Variants in ATL3 observed in about 807,000 individuals in gnomAD.
ATL3 encodes the protein atlastin-3.
A neutral mutation model predicts 69.5 loss-of-function variants in ATL3; 49 were observed. The observed-to-expected ratio is 0.71, with a 90% confidence interval of 0.56 to 0.89. The LOEUF is 0.89. Ranked by LOEUF, ATL3 falls within the 40% of genes least tolerant of loss-of-function variation. ATL3 has a pLI of 0.00. For missense variants in ATL3, 606 were observed against 645.7 expected (o/e 0.94, Z 0.67); for synonymous variants, 214 against 224.1 (o/e 0.95, Z 0.40).
At position 63,644,226 on chromosome 11, in the gene ATL3, A is replaced by G. The variant is rs1300565903; in HGVS notation, c.654T>C (p.Pro218=). Reference sequence around the variant, plus strand: ...CTTGGAGTCCATAGCTATATTCATAAGGGAAACTCCAATCTCTAACCAAAA... The same window carrying G: ...CTTGGAGTCCATAGCTATATTCATAGGGGAAACTCCAATCTCTAACCAAAA... The part of the protein sequence containing the change: ...LMFLVRDWSF[P]YEYSYGLQGG... Residue 218 remains proline, a synonymous_variant, in exon 7 of 13, where the codon CCT becomes CCC. Transcript: ENST00000398868. The G allele has an allele frequency of 6.2e-7, 1 of 1,611,434 alleles. No individual in the cohort carries two copies. The highest frequency in any genetic ancestry group is 1.7e-5 in the Admixed American group (1 of 59,570).
chr11:63,641,076 C>T (rs1939685288), intron 8 of ATL3, among the ~76,000 whole-genome samples: 1 of 152,088 alleles, frequency 6.6e-6, no homozygotes, highest in Non-Finnish European at 1.5e-5. Flanking sequence ...TGTGATGCTG[C>T]ACATATTTTC....
At chr11:63,643,885 T>C (rs1400801800) in intron 7 of ATL3, among the ~76,000 whole-genome samples, 4 of 152,166 alleles carry the variant, frequency 2.6e-5, no homozygotes, top group Non-Finnish European at 4.4e-5. Flanking sequence ...AAATTCTGAG[T>C]ATGATTTCTA....
intron 8 of ATL3, 87 bp from the exon 9 acceptor site, chr11:63,636,421 A>G: frequency 6.5e-7 from 1 of 1,549,372 alleles, no homozygotes; most frequent in South Asian, 1.2e-5. Flanking sequence ...TTCCCAGTCT[A>G]GTGCTTTTAA....
At chr11:63,647,050 A>G (rs1448982598) in intron 5 of ATL3, among the ~76,000 whole-genome samples, 2 of 152,136 alleles carry the variant, frequency 1.3e-5, no homozygotes, top group East Asian at 1.9e-4. Flanking sequence ...CCCACTAACT[A>G]TAAGTTCTTC....
upstream of ATL3, chr11:63,671,697 C>T (rs1327420848): frequency 1.5e-6 from 2 of 1,308,906 alleles, no homozygotes; most frequent in South Asian, 2.6e-5. Context: ...CTCACTGGGT[C>T]CCGGCCAGCG....
chr11:63,666,595 T>C, intron 1 of ATL3, among the ~76,000 whole-genome samples: 1 of 144,594 alleles, frequency 6.9e-6, no homozygotes, highest in African/African-American at 2.5e-5. Context: ...ATGCATGTAA[T>C]CCCAGCACTT....
chr11:63,630,099 T>C (rs1187277535), intron 12 of ATL3, among the ~76,000 whole-genome samples: 2 of 151,992 alleles, frequency 1.3e-5, no homozygotes, highest in African/African-American at 4.8e-5. Context: ...ACATAAAAAT[T>C]ATGTCTGAAG....
chr11:63,657,335 GA>G, intron 3 of ATL3, among the ~76,000 whole-genome samples: 1 of 151,918 alleles, frequency 6.6e-6, no homozygotes, highest in East Asian at 1.9e-4. Flanking sequence ...TCCTTACAAA[GA>G]AATCTGTGGA....
chr11:63,636,380 T>G (rs1356306633), intron 8 of ATL3, 46 bp from the exon 9 acceptor site: 21 of 1,612,090 alleles, frequency 1.3e-5, no homozygotes, highest in African/African-American at 1.3e-5. Flanking sequence ...CAAACAGCCT[T>G]ATTCAACCAA....
chr11:63,631,124 G>A lies in ATL3; in HGVS notation c.1455C>T (p.Leu485=), dbSNP rs1275252687. 1 of 1,614,186 alleles carries A rather than the reference G, an allele frequency of 6.2e-7. No homozygotes were observed. The highest frequency in any genetic ancestry group is 8.5e-7 in the Non-Finnish European group (1 of 1,180,034). ...CMVGLLLIAL[L]TWGYIRYSGQ... ...CAGAATACCTGATGTAGCCCCAGGT[G>A]AGGAGTGCTATTAACAGTAGTCCAA... The change falls in exon 12 of 13, where the codon CTC becomes CTT. Residue 485 remains leucine, a synonymous_variant. Transcript: ENST00000398868.
At chr11:63,630,983 A>C (rs940994445) in intron 12 of ATL3, 57 bp downstream of exon 12, 45 of 1,502,612 alleles carry the variant, frequency 3.0e-5, no homozygotes, top group Non-Finnish European at 3.8e-5. Flanking sequence ...ATTTTACAAC[A>C]GAAGCACAAA....
At chr11:63,659,722 G>A (rs947606608) in intron 1 of ATL3, among the ~76,000 whole-genome samples, 2 of 152,196 alleles carry the variant, frequency 1.3e-5, no homozygotes, top group South Asian at 2.1e-4. Flanking sequence ...ATCACTTGAG[G>A]TCAGGAGTTC....
intron 10 of ATL3, among the ~76,000 whole-genome samples, chr11:63,634,533 C>T (rs573713467): frequency 1.4e-4 from 21 of 151,890 alleles, no homozygotes; most frequent in Admixed American, 5.2e-4. Context: ...AAATTATTTG[C>T]AATGTCAATC....
At chr11:63,664,586 A>G (rs1199964512) in intron 1 of ATL3, among the ~76,000 whole-genome samples, 1 of 151,834 alleles carries the variant, frequency 6.6e-6, no homozygotes, top group African/African-American at 2.4e-5. Flanking sequence ...AGCAATATCA[A>G]TGTAATGACA....
intron 1 of ATL3, among the ~76,000 whole-genome samples, chr11:63,661,105 C>T (rs1197670225): frequency 1.3e-5 from 2 of 151,424 alleles, no homozygotes; most frequent in African/African-American, 2.4e-5. Flanking sequence ...CGCCTGTGGT[C>T]CCAGCTACTG....
intron 8 of ATL3, among the ~76,000 whole-genome samples, chr11:63,638,001 T>C (rs1263239808): frequency 2.0e-5 from 3 of 152,230 alleles, no homozygotes; most frequent in Non-Finnish European, 4.4e-5. Context: ...AACATGTGAA[T>C]GTATTACATA....
intron 3 of ATL3, among the ~76,000 whole-genome samples, chr11:63,654,761 A>T (rs1940189915): frequency 6.9e-6 from 1 of 143,988 alleles, no homozygotes; most frequent in Admixed American, 7.1e-5. Context: ...CAATGGCGCA[A>T]CCTCGGCTCA....
In ATL3 at chr11:63,659,256, T is replaced by A. The variant is rs371691729; in HGVS notation, c.47-4A>T. On this transcript the variant is annotated splice_region_variant and splice_polypyrimidine_tract_variant and intron_variant, in intron 1 of 12. Coordinates refer to ENST00000398868, the MANE Select transcript of ATL3 (RefSeq NM_015459.5). ...TTGCTGCTCTCCATGGCATCATCTA[T>A]GTTCATGCAGAGAAAAAAAATCAGT... 1.0e-4 allele frequency: 166 copies of A among 1,613,068 alleles called. No individual in the cohort carries two copies. Among genetic ancestry groups the A allele is most frequent in the African/African-American group, 3.7e-4 (28 of 74,898 alleles).
intron 11 of ATL3, 135 bp downstream of exon 11, chr11:63,632,891 T>C: frequency 1.2e-6 from 1 of 836,732 alleles, no homozygotes; most frequent in East Asian, 2.5e-5. Context: ...AGGCCCCCGT[T>C]ACCAGGACAA....
Sources: gnomAD v4.1 joint callset for allele counts (sites outside exome capture counted in the v4.1 genomes callset) on GRCh38, gnomAD v4.1.1 for gene constraint, MANE v1.5 for transcripts, NCBI Gene and HGNC (gene_info 2026-07-23, HGNC 2026-07-21) for gene names.